The following JMJD1C variants were observed in gnomAD, a reference collection of about 807,000 sequenced individuals.
The protein encoded by JMJD1C is jumonji domain containing 1C.
In JMJD1C, 31 loss-of-function variants were observed where a neutral mutation model predicts 245.3. That is an observed-to-expected ratio of 0.13 (90% CI 0.09 to 0.17). JMJD1C has a LOEUF of 0.17. Ranked by LOEUF, JMJD1C falls within the 10% of genes least tolerant of loss-of-function variation. JMJD1C has a pLI of 1.00. For missense variants in JMJD1C, 2,691 were observed against 3,000.2 expected (o/e 0.90, Z 2.41); for synonymous variants, 1,057 against 1,017.4 (o/e 1.04, Z -0.74).
At chr10:63,336,298 C>A (rs1942724679) in intron 2 of JMJD1C, among the ~76,000 whole-genome samples, 1 of 151,680 alleles carries the variant, frequency 6.6e-6, no homozygotes, top group African/African-American at 2.4e-5. Context: ...CCGTCTCAAC[C>A]AAAAATACAA....
intron 1 of JMJD1C, among the ~76,000 whole-genome samples, chr10:63,416,509 C>T (rs1024925246): frequency 5.9e-5 from 9 of 152,032 alleles, no homozygotes; most frequent in Admixed American, 2.0e-4. Flanking sequence ...TGGCATGTTA[C>T]TAAAGCATGA....
chr10:63,282,283 T>C (rs895561404), intron 2 of JMJD1C, among the ~76,000 whole-genome samples: 1 of 152,236 alleles, frequency 6.6e-6, no homozygotes, highest in Admixed American at 6.5e-5. Flanking sequence ...AAGTATATGA[T>C]ACGATGCAGT....
intron 1 of JMJD1C, among the ~76,000 whole-genome samples, chr10:63,440,365 T>TATAG (rs749850334): frequency 0.032 from 4,402 of 137,696 alleles, 67 homozygotes; most frequent in Non-Finnish European, 0.039. Context: ...TATATATATA[T>TATAG]AGAGAGAGAG....
At chr10:63,446,085 G>A (rs564381325) in intron 1 of JMJD1C, among the ~76,000 whole-genome samples, 1 of 151,828 alleles carries the variant, frequency 6.6e-6, no homozygotes, top group African/African-American at 2.4e-5. Flanking sequence ...ATGTTGCCCA[G>A]GCTGGTCTTG....
chr10:63,234,229 A>C (rs140472557), intron 3 of JMJD1C, among the ~76,000 whole-genome samples: 160 of 146,930 alleles, frequency 1.1e-3, no homozygotes, highest in African/African-American at 3.8e-3. Context: ...TCTTGAAAAC[A>C]AACAAAATGT....
At chr10:63,315,621 C>G (rs759148967) in intron 2 of JMJD1C, among the ~76,000 whole-genome samples, 1 of 151,626 alleles carries the variant, frequency 6.6e-6, no homozygotes, top group Non-Finnish European at 1.5e-5. Context: ...GCGGGCGGGT[C>G]ACAAGGTCAG....
At position 63,283,878 on chromosome 10, in the gene JMJD1C, T is replaced by C. The variant is rs1023694872; in HGVS notation, c.334-19114A>G. Among the ~76,000 whole-genome samples, 9 of 152,256 alleles carry C rather than the reference T, an allele frequency of 5.9e-5. No homozygotes were observed. In the East Asian group the frequency reaches 1.5e-3, roughly 26 times the overall value. ...ACCATTTAAAGTAGTCATGGAAATA[T>C]GCATTTTTCTACTCTGACAATAAGA... On this transcript the variant is annotated intron_variant, in intron 2 of 25. Transcript: ENST00000399262.
intron 3 of JMJD1C, among the ~76,000 whole-genome samples, chr10:63,223,443 G>A (rs749085541): frequency 1.3e-4 from 19 of 151,930 alleles, no homozygotes; most frequent in Non-Finnish European, 2.5e-4. Flanking sequence ...GACCAGGCTG[G>A]TCTCAAACTC....
intron 3 of JMJD1C, among the ~76,000 whole-genome samples, chr10:63,226,304 T>C (rs1046552754): frequency 5.3e-5 from 8 of 152,190 alleles, no homozygotes; most frequent in African/African-American, 1.9e-4. Flanking sequence ...CTCACTTTGG[T>C]GATGTACCTT....
At chr10:63,459,636 C>G (rs969880834) in intron 1 of JMJD1C, among the ~76,000 whole-genome samples, 1 of 152,126 alleles carries the variant, frequency 6.6e-6, no homozygotes, top group Non-Finnish European at 1.5e-5. Flanking sequence ...TGAAAATCAT[C>G]AGAGTTATAC....
chr10:63,456,094 T>A (rs1016342131), intron 1 of JMJD1C, among the ~76,000 whole-genome samples: 1 of 152,124 alleles, frequency 6.6e-6, no homozygotes, highest in African/African-American at 2.4e-5. Flanking sequence ...ATATAGTCTA[T>A]ATTCATATTC....
At chr10:63,222,950 A>T (rs376980339) in intron 3 of JMJD1C, 1 of 1,485,340 alleles carries the variant, frequency 6.7e-7, no homozygotes. Context: ...TATAATTCAA[A>T]TATTGGAGAT....
At chr10:63,168,186 A>T (rs765842254) in intron 25 of JMJD1C, 52 bp from the exon 26 acceptor site, 4 of 1,290,104 alleles carry the variant, frequency 3.1e-6, no homozygotes, top group African/African-American at 1.5e-5. Context: ...GAAATTAATT[A>T]AAAAATGACA....
chr10:63,358,207 G>A (rs9414798), intron 2 of JMJD1C, among the ~76,000 whole-genome samples: 6,160 of 152,154 alleles, frequency 0.04, 168 homozygotes, highest in Middle Eastern at 0.12. Flanking sequence ...TTTAGGATAC[G>A]AAAATTTTTT....
chr10:63,380,068 T>C (rs1947084971), intron 2 of JMJD1C, among the ~76,000 whole-genome samples: 1 of 151,604 alleles, frequency 6.6e-6, no homozygotes, highest in African/African-American at 2.4e-5. Context: ...GCCTCCCAAG[T>C]AGCTGGGACC....
In JMJD1C at chr10:63,220,905, G is replaced by A. The variant is rs549466836; in HGVS notation, c.448-922C>T. ...GGGTGGATCACAAGGTCAGGAGATC[G>A]AGACCATCCTGGCTAACATGGTGAA... On this transcript the variant is annotated intron_variant, in intron 3 of 25. Coordinates refer to ENST00000399262, the MANE Select transcript of JMJD1C (RefSeq NM_032776.3). 6.6e-5 allele frequency among the ~76,000 whole-genome samples: 10 copies of A among 152,190 alleles called. No homozygotes were observed. The South Asian group carries it at 1.9e-3, about 28-fold the overall frequency.
At chr10:63,238,735 T>C (rs189468776) in intron 3 of JMJD1C, among the ~76,000 whole-genome samples, 2 of 152,330 alleles carry the variant, frequency 1.3e-5, no homozygotes, top group East Asian at 3.9e-4. Context: ...TAAGGGAAAC[T>C]AGATTTGACA....
At chr10:63,327,940 G>A (rs930804326) in intron 2 of JMJD1C, among the ~76,000 whole-genome samples, 1 of 152,006 alleles carries the variant, frequency 6.6e-6, no homozygotes, top group Non-Finnish European at 1.5e-5. Flanking sequence ...AAAGTACTGG[G>A]ATTACAGGTG....
intron 2 of JMJD1C, chr10:63,269,290 G>GT: frequency 1.3e-6 from 1 of 788,858 alleles, no homozygotes; most frequent in Non-Finnish European, 1.5e-6. Context: ...CTAATCCCCC[G>GT]TCACAGGTGC....
Sources: gnomAD v4.1 joint callset for allele counts (sites outside exome capture counted in the v4.1 genomes callset) on GRCh38, gnomAD v4.1.1 for gene constraint, MANE v1.5 for transcripts, NCBI Gene and HGNC (gene_info 2026-07-23, HGNC 2026-07-21) for gene names.